Variants in TRAK1 observed in about 807,000 individuals in gnomAD.
TRAK1 encodes the protein trafficking kinesin-binding protein 1.
Under a neutral mutation model 92.1 loss-of-function variants are expected in TRAK1, and 33 were observed. The observed-to-expected ratio is 0.36, with a 90% CI of 0.27 to 0.48. The LOEUF (loss-of-function observed/expected upper bound fraction) is 0.48. Among genes scored for constraint, TRAK1 ranks in the 20% least tolerant of loss-of-function variants. The probability of loss-of-function intolerance (pLI) is 0.99; values close to 1 mark genes in which losing one functional copy is unlikely to be tolerated. For missense variants in TRAK1, 1,123 were observed against 1,257.9 expected (o/e 0.89, Z 1.62); for synonymous variants, 521 against 517.3 (o/e 1.01, Z -0.10).
At chr3:42,086,160 C>T (rs1236550719), upstream of TRAK1, among the ~76,000 whole-genome samples, 3 of 152,320 alleles carry the variant, frequency 2.0e-5, no homozygotes, top group South Asian at 2.1e-4. Flanking sequence ...TGTGGGAAAT[C>T]GCCTGCATGT....
At chr3:42,107,925 T>A (rs1474893838) in intron 1 of TRAK1, among the ~76,000 whole-genome samples, 1 of 151,488 alleles carries the variant, frequency 6.6e-6, no homozygotes, top group Non-Finnish European at 1.5e-5. Context: ...AGATGTCGTT[T>A]CCATCCTTAA....
intron 1 of TRAK1, among the ~76,000 whole-genome samples, chr3:42,042,016 T>C (rs1057514662): frequency 1.3e-5 from 2 of 152,202 alleles, no homozygotes; most frequent in African/African-American, 4.8e-5. Context: ...GGTCTTGAAC[T>C]CCCAACCTCA....
At chr3:42,045,773 A>G (rs1446481237) in intron 1 of TRAK1, among the ~76,000 whole-genome samples, 2 of 152,220 alleles carry the variant, frequency 1.3e-5, no homozygotes, top group Admixed American at 6.5e-5. Context: ...TATCCCCACC[A>G]GCAGTTATTC....
At chr3:42,074,076 C>T (rs1257151998) in intron 1 of TRAK1, among the ~76,000 whole-genome samples, 1 of 152,096 alleles carries the variant, frequency 6.6e-6, no homozygotes, top group Non-Finnish European at 1.5e-5. Context: ...ATGGAATGTC[C>T]GATTCTCCAC....
intron 2 of TRAK1, among the ~76,000 whole-genome samples, chr3:42,140,551 C>T (rs1388360696): frequency 2.0e-5 from 3 of 152,158 alleles, no homozygotes; most frequent in Admixed American, 6.5e-5. Context: ...TGCTTGAACC[C>T]GGGAGGTGGA....
chr3:42,041,877 C>G (rs1702556409), intron 1 of TRAK1, among the ~76,000 whole-genome samples: 1 of 152,048 alleles, frequency 6.6e-6, no homozygotes, highest in Non-Finnish European at 1.5e-5. Context: ...TCACCGCAGC[C>G]TCCGCCTCCC....
At chr3:42,083,563 ACTAT>A (rs566154861), upstream of TRAK1, among the ~76,000 whole-genome samples, 9 of 152,264 alleles carry the variant, frequency 5.9e-5, no homozygotes, top group South Asian at 1.5e-3. Flanking sequence ...GTCTTATGTG[ACTAT>A]CTTTCACTTA....
chr3:42,070,341 G>A (rs1703883411), intron 1 of TRAK1, among the ~76,000 whole-genome samples: 1 of 150,230 alleles, frequency 6.7e-6, no homozygotes, highest in Non-Finnish European at 1.5e-5. Context: ...CAGATAACAT[G>A]ATAGTATCTC....
intron 3 of TRAK1, among the ~76,000 whole-genome samples, chr3:42,182,380 C>T (rs901472518): frequency 6.6e-6 from 1 of 151,644 alleles, no homozygotes; most frequent in Admixed American, 6.6e-5. Flanking sequence ...GTGAGCCCCG[C>T]CTCCTGGGTT....
rs1162581642 is a variant in TRAK1, at chr3:42,019,330, C to CA, written c.-519+5214dup. 2.6e-5 allele frequency among the ~76,000 whole-genome samples: 4 copies of CA among 152,254 alleles called. No individual in the cohort carries two copies. In the East Asian group the frequency reaches 7.7e-4, roughly 29 times the overall value. ...AATCTCTGTTGCCTGGGCTGAAGTG[C>CA]AGTGGCCTGATCATAGCTCACTGTA... On this transcript the variant is annotated intron_variant, in intron 1 of 16. Coordinates refer to the TRAK1 transcript ENST00000487159.
chr3:42,210,007 TGA>T, intron 14 of TRAK1, 22 bp downstream of exon 14: 1 of 1,614,052 alleles, frequency 6.2e-7, no homozygotes, highest in Non-Finnish European at 8.5e-7. Flanking sequence ...CAAGCACGTG[TGA>T]CTGTCTCAGG....
chr3:42,138,876 GGT>G (rs60025099), intron 2 of TRAK1, among the ~76,000 whole-genome samples: 17,486 of 117,662 alleles, frequency 0.15, 1,123 homozygotes, highest in Non-Finnish European at 0.17. Flanking sequence ...AAGCATAGGG[GGT>G]GTGTGTGTGT....
chr3:42,044,712 C>T (rs1306454722), intron 1 of TRAK1, among the ~76,000 whole-genome samples: 1 of 152,138 alleles, frequency 6.6e-6, no homozygotes, highest in Non-Finnish European at 1.5e-5. Context: ...AGGGGAGGTG[C>T]TACAGGTTAA....
rs1359004104 is a variant in TRAK1, at chr3:42,202,078, G to A, written c.1428-358G>A. On this transcript the variant is annotated intron_variant, in intron 12 of 15. Coordinates refer to ENST00000327628, the MANE Select transcript of TRAK1 (RefSeq NM_001042646.3). The surrounding 1 kb of genome is among the most constrained non-coding windows in gnomAD (Gnocchi z 6.1). ...GGCTCTTTTCCTTCAAGAGAAGAGA[G>A]AAACATGCCTTAACCCCATTATCCT... Among the ~76,000 whole-genome samples, 1 of 152,174 alleles carries A rather than the reference G, an allele frequency of 6.6e-6. No individual in the cohort carries two copies. Among genetic ancestry groups the A allele is most frequent in the Non-Finnish European group, 1.5e-5 (1 of 68,036 alleles).
intron 3 of TRAK1, among the ~76,000 whole-genome samples, chr3:42,183,672 T>C (rs1203105086): frequency 6.6e-6 from 1 of 152,056 alleles, no homozygotes; most frequent in Middle Eastern, 3.2e-3. Context: ...GATCAGAACC[T>C]AGGACTCCTC....
At chr3:42,017,897 A>C (rs1424477113) in intron 1 of TRAK1, among the ~76,000 whole-genome samples, 1 of 152,108 alleles carries the variant, frequency 6.6e-6, no homozygotes, top group Admixed American at 6.5e-5. Context: ...GGGCTAACTC[A>C]TAGGCAGTGT....
At chr3:42,110,244 C>T (rs905832506) in intron 1 of TRAK1, among the ~76,000 whole-genome samples, 64 of 151,384 alleles carry the variant, frequency 4.2e-4, no homozygotes, top group African/African-American at 1.5e-3. Context: ...ATAGCCCAGA[C>T]GGGCAGTTCC....
At chr3:42,115,220 T>C (rs1709019202) in intron 1 of TRAK1, among the ~76,000 whole-genome samples, 1 of 152,240 alleles carries the variant, frequency 6.6e-6, no homozygotes, top group Non-Finnish European at 1.5e-5. Context: ...TGTTTTAATA[T>C]TAGAATCAAT....
intron 1 of TRAK1, among the ~76,000 whole-genome samples, chr3:42,078,464 G>T (rs1042261797): frequency 1.3e-5 from 2 of 152,150 alleles, no homozygotes; most frequent in African/African-American, 4.8e-5. Context: ...TTAGAAAGAT[G>T]AGGCAGAGGC....
Sources: allele counts gnomAD v4.1 joint callset (sites outside exome capture counted in the v4.1 genomes callset), GRCh38; gene constraint gnomAD v4.1.1; non-coding constraint Gnocchi (gnomAD v3.1); transcripts MANE v1.5; gene names NCBI Gene and HGNC (gene_info 2026-07-23, HGNC 2026-07-21).